ZNF654: variants seen among roughly 807,000 people sequenced by gnomAD.
ZNF654 encodes zinc finger protein 654, also known as melanoma-associated antigen.
A neutral mutation model predicts 95.3 loss-of-function variants in ZNF654; 19 were observed. The observed-to-expected ratio is 0.20, with a 90% CI of 0.14 to 0.29. The LOEUF (loss-of-function observed/expected upper bound fraction) is 0.29, where lower values mean the gene tolerates loss of function less well. Among genes scored for constraint, ZNF654 ranks in the 10% least tolerant of loss-of-function variants. The pLI is 1.00. For missense variants in ZNF654, 1,046 were observed against 1,341.0 expected, an observed-to-expected ratio of 0.78 and a Z score of 3.44; for synonymous variants, 413 against 457.9, an observed-to-expected ratio of 0.90 and a Z score of 1.25.
chr3:88,093,544 C>G (rs1163743279), intron 2 of ZNF654, among the ~76,000 whole-genome samples: 1 of 152,150 alleles, frequency 6.6e-6, no homozygotes, highest in Non-Finnish European at 1.5e-5. Context: ...TATTGGCAAG[C>G]TGTCTAAGAG....
At chr3:88,109,102 A>G (rs1704924136) in intron 2 of ZNF654, among the ~76,000 whole-genome samples, 1 of 148,876 alleles carries the variant, frequency 6.7e-6, no homozygotes, top group South Asian at 2.2e-4. Context: ...GTGGGAGGGA[A>G]GGGGTCTGGT....
chr3:88,109,337 A>T (rs1174044480), intron 2 of ZNF654, among the ~76,000 whole-genome samples: 4 of 152,160 alleles, frequency 2.6e-5, no homozygotes, highest in African/African-American at 9.7e-5. Context: ...TTTCTGTAAG[A>T]TACCAAACCT....
chr3:88,067,667 C>A (rs1471040406), intron 1 of ZNF654, among the ~76,000 whole-genome samples: 4 of 152,152 alleles, frequency 2.6e-5, no homozygotes, highest in Admixed American at 2.0e-4. Context: ...ACTGGCATTG[C>A]AAACTGTTGA....
intron 3 of ZNF654, among the ~76,000 whole-genome samples, chr3:88,125,387 T>C (rs974379692): frequency 2.6e-5 from 4 of 152,198 alleles, no homozygotes; most frequent in African/African-American, 7.2e-5. Context: ...TTTCATGTTA[T>C]AATGACAAGT....
chr3:88,138,730 G>A lies in ZNF654; in HGVS notation c.1061G>A (p.Cys354Tyr). ...DEVEEEGLQI[C>Y]VEICGCALQL... ...GTTGAAGAAGAAGGCTTGCAAATTT[G>A]TGTTGAAATATGTGGTTGTGCTCTA... The change falls in exon 8 of 9, where the codon TGT (cysteine) becomes TAT (tyrosine). Residue 354 changes from cysteine (C) to tyrosine (Y), a missense_variant. By Grantham distance (194) the Cys-to-Tyr change is radical. Around this residue, in one of 9 missense-constraint regions of ZNF654, gnomAD observed 78 missense variants for 154.2 expected, o/e 0.51. Transcript: ENST00000636215. The A allele has an allele frequency of 8.1e-7, 1 of 1,231,956 alleles. No individual in the cohort carries two copies. The highest frequency in any genetic ancestry group is 1.0e-6 in the Non-Finnish European group (1 of 987,822). 76.3% of individuals were successfully genotyped at this position (1,231,956 alleles called of 1,614,324 possible). A position where few individuals can be genotyped will look rare whatever the true frequency, so the allele number is the denominator to read the frequency against.
Position 88,129,012 on chromosome 3 carries a change from G to T in ZNF654, c.753+1G>T. On this transcript the variant is annotated splice_donor_variant, in intron 5 of 8. Transcript: ENST00000636215. LOFTEE classifies it high-confidence loss of function. Reference sequence around the variant, plus strand: ...TGTAGAAGATCAGCTATTCCGGGAGGTATTGTTTGAGACTATTTTTGCCTA... The same window carrying T: ...TGTAGAAGATCAGCTATTCCGGGAGTTATTGTTTGAGACTATTTTTGCCTA... 1 of 1,523,584 alleles carries T rather than the reference G, an allele frequency of 6.6e-7. No homozygotes were observed. The highest frequency in any genetic ancestry group is 8.8e-7 in the Non-Finnish European group (1 of 1,140,598). 94.4% of individuals were successfully genotyped at this position (1,523,584 alleles called of 1,614,324 possible).
chr3:88,074,314 C>CTT (rs1318951899), intron 1 of ZNF654, among the ~76,000 whole-genome samples: 2 of 147,078 alleles, frequency 1.4e-5, no homozygotes, highest in East Asian at 4.0e-4. Flanking sequence ...AAGGAGAATT[C>CTT]TTTAACTTCC....
intron 6 of ZNF654, among the ~76,000 whole-genome samples, chr3:88,134,391 G>T (rs771399355): frequency 3.3e-5 from 5 of 151,888 alleles, no homozygotes; most frequent in African/African-American, 4.8e-5. Context: ...ATGTTTTAAA[G>T]AATTCTAATT....
intron 3 of ZNF654, among the ~76,000 whole-genome samples, chr3:88,125,797 T>G (rs983835639): frequency 3.3e-5 from 5 of 152,198 alleles, no homozygotes; most frequent in Non-Finnish European, 5.9e-5. Flanking sequence ...AAGAGAAATT[T>G]TATGAACCTT....
At chr3:88,061,009 TTTTTATTTTGATAATTGGCATTCAC>T (rs1343164211) in intron 1 of ZNF654, among the ~76,000 whole-genome samples, 1 of 152,158 alleles carries the variant, frequency 6.6e-6, no homozygotes, top group Non-Finnish European at 1.5e-5. Flanking sequence ...TGAAAATGTA[TTTTTATTTTGATAATTGGCATTCAC>T]TTTTATTTTG....
chr3:88,133,248 A>G (rs1432005627), intron 6 of ZNF654, among the ~76,000 whole-genome samples: 1 of 152,162 alleles, frequency 6.6e-6, no homozygotes, highest in Non-Finnish European at 1.5e-5. Flanking sequence ...CTTTTCCTAG[A>G]AAAGCATGGC....
At chr3:88,064,541 T>G (rs1304069387) in intron 1 of ZNF654, among the ~76,000 whole-genome samples, 3 of 152,196 alleles carry the variant, frequency 2.0e-5, no homozygotes, top group Non-Finnish European at 2.9e-5. Flanking sequence ...TTTGGAGGTA[T>G]GTGGTACCTC....
chr3:88,080,434 A>C (rs1299785280), intron 1 of ZNF654, among the ~76,000 whole-genome samples: 1 of 152,150 alleles, frequency 6.6e-6, no homozygotes, highest in East Asian at 1.9e-4. Context: ...CATGCCAGGA[A>C]TTATCCTATA....
At chr3:88,072,985 A>G (rs551375751) in intron 1 of ZNF654, among the ~76,000 whole-genome samples, 1 of 152,320 alleles carries the variant, frequency 6.6e-6, no homozygotes, top group South Asian at 2.1e-4. Context: ...TAGTTTTAAA[A>G]TGTAGGCATG....
intron 1 of ZNF654, among the ~76,000 whole-genome samples, chr3:88,061,229 A>G (rs1706863680): frequency 6.6e-6 from 1 of 152,126 alleles, no homozygotes; most frequent in Non-Finnish European, 1.5e-5. Flanking sequence ...AAATCTATTT[A>G]ATTTGTTTGT....
intron 1 of ZNF654, among the ~76,000 whole-genome samples, chr3:88,077,222 C>T (rs1158977003): frequency 6.6e-6 from 1 of 152,120 alleles, no homozygotes; most frequent in Non-Finnish European, 1.5e-5. Context: ...GTTGTTTAGC[C>T]TTCTCAACTC....
intron 1 of ZNF654, among the ~76,000 whole-genome samples, chr3:88,061,677 C>G (rs1706892107): frequency 6.6e-6 from 1 of 152,022 alleles, no homozygotes. Context: ...TAAAATTCTA[C>G]CATAGTAATT....
In ZNF654 at chr3:88,135,065, T is replaced by C; in HGVS notation, c.898T>C (p.Leu300=). ...CTCTTTTTTTCTCATTTACAGGGAG[T>C]TGATTTTCATATGGAGTAAACTACA... ...QNGDMYCIWE[L]IFIWSKLQLK... The change falls in exon 7 of 9, where the codon TTG becomes CTG. Residue 300 remains leucine, a synonymous_variant. Transcript: ENST00000636215. 7.1e-7 allele frequency: 1 copy of C among 1,408,882 alleles called. No homozygotes were observed. Among genetic ancestry groups the C allele is most frequent in the Non-Finnish European group, 9.2e-7 (1 of 1,087,252 alleles). The allele number at this position is 1,408,882 out of a possible 1,614,324, so 87.3% of individuals were successfully genotyped here. A position where few individuals can be genotyped will look rare whatever the true frequency, so the allele number is the denominator to read the frequency against.
chr3:88,084,121 C>A (rs1316525757), intron 1 of ZNF654, among the ~76,000 whole-genome samples: 1 of 152,116 alleles, frequency 6.6e-6, no homozygotes, highest in African/African-American at 2.4e-5. Flanking sequence ...GGAGGTGTTG[C>A]CCACAAGGAC....
Sources: allele counts gnomAD v4.1 joint callset (sites outside exome capture counted in the v4.1 genomes callset), GRCh38; gene constraint gnomAD v4.1.1; regional missense constraint gnomAD v4.1.1; transcripts MANE v1.5; gene names NCBI Gene and HGNC (gene_info 2026-07-23, HGNC 2026-07-21).